ATP8B3: variants seen among roughly 807,000 people sequenced by gnomAD.
ATP8B3 encodes the protein ATPase phospholipid transporting 8B3.
In ATP8B3, 141 loss-of-function variants were observed where a neutral mutation model predicts 140.9. That is an observed-to-expected ratio of 1.00 (90% CI 0.87 to 1.15). The LOEUF is 1.15. ATP8B3 is among the 50% of genes most tolerant of loss of function. The pLI, the probability that ATP8B3 is intolerant of heterozygous loss-of-function variation, is 0.00. For missense variants in ATP8B3, 1,874 were observed against 1,740.6 expected, an observed-to-expected ratio of 1.08 and a Z score of -1.36; for synonymous variants, 765 against 714.6, an observed-to-expected ratio of 1.07 and a Z score of -1.13.
At chr19:1,788,605 G>A (rs1310475819) in intron 24 of ATP8B3, among the ~76,000 whole-genome samples, 8 of 152,138 alleles carry the variant, frequency 5.3e-5, no homozygotes, top group Admixed American at 2.0e-4. Flanking sequence ...AGCCGAGATC[G>A]TGCCATTGCA....
rs1288903559 is a variant in ATP8B3 at position 1,805,238 on chromosome 19, G to T, written c.904+136C>A. ...GATTCTCCTGCCTCAGCCTCCCAAA[G>T]TGCTGGGATTCCAGGTGTGAGCCAC... On this transcript the variant is annotated intron_variant, in intron 10 of 28. Coordinates refer to ENST00000310127, the MANE Select transcript of ATP8B3 (RefSeq NM_138813.4). The surrounding 1 kb of genome is among the most constrained non-coding windows in gnomAD (Gnocchi z 5.2). 10 of 827,048 alleles carry T rather than the reference G, an allele frequency of 1.2e-5. No homozygotes were observed. Among genetic ancestry groups the T allele is most frequent in the Non-Finnish European group, 1.8e-5 (9 of 498,370 alleles). The allele number at this position is 827,048 out of a possible 1,614,324, so 51.2% of individuals were successfully genotyped here.
chr19:1,792,480 T>A (rs547232355), intron 18 of ATP8B3, among the ~76,000 whole-genome samples: 2 of 149,130 alleles, frequency 1.3e-5, no homozygotes, highest in East Asian at 4.0e-4. Flanking sequence ...CTTGAGAGGC[T>A]GAGGCAGGAG....
chr19:1,797,153 A>C, intron 14 of ATP8B3, 148 bp from the exon 15 acceptor site: 1 of 1,268,584 alleles, frequency 7.9e-7, no homozygotes, highest in Admixed American at 2.2e-5. Context: ...CACCCCGAGC[A>C]ATCTTGGGGC....
chr19:1,797,595 G>A (rs1435646811), intron 14 of ATP8B3, among the ~76,000 whole-genome samples: 2 of 151,754 alleles, frequency 1.3e-5, no homozygotes, highest in Non-Finnish European at 2.9e-5. Context: ...AGCCTCCTGG[G>A]TTCAAGTGAC....
In ATP8B3 at chr19:1,800,628, T is replaced by C. The variant is rs1256457611; in HGVS notation, c.1153-179A>G. On this transcript the variant is annotated intron_variant, in intron 12 of 28. Transcript: ENST00000310127. The surrounding 1 kb of genome is among the most constrained non-coding windows in gnomAD (Gnocchi z 4.4). ...TGACGTCAGGAGTTCAAGACCAGCC[T>C]GGGCGACAAAGTGAGACCTCATCTC... Among the ~76,000 whole-genome samples the C allele has an allele frequency of 6.6e-6, 1 of 152,074 alleles. No individual in the cohort carries two copies. The highest frequency in any genetic ancestry group is 1.5e-5 in the Non-Finnish European group (1 of 67,998).
chr19:1,810,557 C>A, intron 3 of ATP8B3, 65 bp downstream of exon 3: 2 of 1,512,576 alleles, frequency 1.3e-6, no homozygotes, highest in Non-Finnish European at 1.8e-6. Flanking sequence ...AGCCACCACG[C>A]CTGGCCAGCC....
chr19:1,783,163 GTGGGAGA>G lies in ATP8B3; in HGVS notation c.3761_3767del (p.Phe1254SerfsTer25). ...TGATGAGGTTTGCATATCCCTCACG[GTGGGAGA>G]AAGCATAGCTGGAACGGCGGGCACG... On this transcript the variant is annotated frameshift_variant, in exon 29 of 29. Coordinates refer to ENST00000310127, the MANE Select transcript of ATP8B3 (RefSeq NM_138813.4). LOFTEE classifies it low-confidence loss of function (END_TRUNC). 1 of 1,613,716 alleles carries G rather than the reference GTGGGAGA, an allele frequency of 6.2e-7. No individual in the cohort carries two copies. The highest frequency in any genetic ancestry group is 1.3e-5 in the African/African-American group (1 of 75,000).
intron 2 of ATP8B3, among the ~76,000 whole-genome samples, chr19:1,811,056 A>C (rs967776400): frequency 3.3e-5 from 5 of 151,356 alleles, no homozygotes; most frequent in Non-Finnish European, 7.4e-5. Context: ...TGAAAGGACC[A>C]CTCTCACCTC....
chr19:1,799,982 G>C lies in ATP8B3; in HGVS notation c.1517C>G (p.Thr506Ser), dbSNP rs755878827. 1 of 1,605,944 alleles carries C rather than the reference G, an allele frequency of 6.2e-7. No homozygotes were observed. The highest frequency in any genetic ancestry group is 2.2e-5 in the East Asian group (1 of 44,708). Residue 506 changes from threonine to serine, a missense_variant, in exon 14 of 29, where the codon ACC (threonine) becomes AGC (serine). Thr to Ser is a moderately conservative substitution (Grantham distance 58, BLOSUM62 1). Around this residue, in one of 3 missense-constraint regions of ATP8B3, gnomAD observed 1,032 missense variants for 963.6 expected, o/e 1.07. Transcript: ENST00000310127. Reference protein sequence around the residue: ...KTGTLTQNILTFNKCCISGRV... With the variant: ...KTGTLTQNILSFNKCCISGRV... ...GCCGCTGATGCAGCACTTGTTGAAG[G>C]TCAAGATGTTCTGCGTGAGCGTGCC...
At chr19:1,811,226 C>A (rs979171900) in intron 2 of ATP8B3, among the ~76,000 whole-genome samples, 3 of 152,238 alleles carry the variant, frequency 2.0e-5, no homozygotes, top group African/African-American at 7.2e-5. Context: ...CTCACCCCCC[C>A]AGGCTGGGCA....
At chr19:1,786,476 G>A (rs1163714985) in intron 25 of ATP8B3, among the ~76,000 whole-genome samples, 1 of 151,104 alleles carries the variant, frequency 6.6e-6, no homozygotes, top group Non-Finnish European at 1.5e-5. Flanking sequence ...TGAGGCAGGA[G>A]AATCGCTTGA....
intron 23 of ATP8B3, 46 bp downstream of exon 23, chr19:1,789,315 C>T (rs368099979): frequency 1.9e-5 from 27 of 1,448,958 alleles, no homozygotes; most frequent in Admixed American, 4.6e-5. Flanking sequence ...CCGTCAGCCG[C>T]CCCCCACTCG....
At chr19:1,784,391 C>T (rs758548350) in intron 28 of ATP8B3, among the ~76,000 whole-genome samples, 4 of 152,022 alleles carry the variant, frequency 2.6e-5, no homozygotes, top group African/African-American at 4.8e-5. Context: ...GGTACATGCC[C>T]GTGGTCTCAG....
chr19:1,791,906 T>G (rs752274238), intron 19 of ATP8B3, 45 bp from the exon 20 acceptor site: 4 of 1,606,102 alleles, frequency 2.5e-6, no homozygotes, highest in East Asian at 2.2e-5. Context: ...TGAGCAGCCG[T>G]CCAGCTCCCT....
Position 1,806,441 on chromosome 19 carries a change from T to C in ATP8B3, c.677+187A>G. Reference sequence around the variant, plus strand: ...CCCTAAGCTCTGCAAGGGTTCGCCATCAGGGCCTCGGCCTCTGTCCTCGTC... The same window carrying C: ...CCCTAAGCTCTGCAAGGGTTCGCCACCAGGGCCTCGGCCTCTGTCCTCGTC... On this transcript the variant is annotated intron_variant, in intron 7 of 28. Transcript: ENST00000310127. This position sits in a 1 kb window ranked among gnomAD's most constrained non-coding sequence, Gnocchi z 5.6. 1 of 1,449,412 alleles carries C rather than the reference T, an allele frequency of 6.9e-7. No individual in the cohort carries two copies. The allele number at this position is 1,449,412 out of a possible 1,614,324, so 89.8% of individuals were successfully genotyped here.
rs2145206683 is a variant in ATP8B3, at chr19:1,806,736, C to T, written c.616-47G>A. 6.5e-7 allele frequency: 1 copy of T among 1,541,900 alleles called. No individual in the cohort carries two copies. On this transcript the variant is annotated intron_variant, in intron 6 of 28. Transcript: ENST00000310127. This position sits in a 1 kb window ranked among gnomAD's most constrained non-coding sequence, Gnocchi z 5.6. Reference sequence around the variant, plus strand: ...CAGAGAGACCGTCCAGCCTCTCCTGCCCCCGCCCAGGCCGCTGCCGCACTG... The same window carrying T: ...CAGAGAGACCGTCCAGCCTCTCCTGTCCCCGCCCAGGCCGCTGCCGCACTG...
chr19:1,808,471 C>CCAGCAGTT, intron 4 of ATP8B3, 136 bp from the exon 5 acceptor site: 9 of 630,934 alleles, frequency 1.4e-5, no homozygotes, highest in Non-Finnish European at 8.8e-6. Flanking sequence ...ATTCATTAAG[C>CCAGCAGTT]ATCTACTGAG....
At chr19:1,796,302 G>A in intron 16 of ATP8B3, 37 bp from the exon 17 acceptor site, 1 of 1,539,336 alleles carries the variant, frequency 6.5e-7, no homozygotes, top group Non-Finnish European at 8.8e-7. Context: ...GTCACGTGGT[G>A]GAGCCCGTCT....
intron 10 of ATP8B3, among the ~76,000 whole-genome samples, chr19:1,804,441 C>T (rs2068947938): frequency 6.6e-6 from 1 of 152,192 alleles, no homozygotes; most frequent in African/African-American, 2.4e-5. Flanking sequence ...AACCCTGTAT[C>T]TACTAAAAAT....
Sources: allele counts gnomAD v4.1 joint callset (sites outside exome capture counted in the v4.1 genomes callset), GRCh38; gene constraint gnomAD v4.1.1; regional missense constraint gnomAD v4.1.1; non-coding constraint Gnocchi (gnomAD v3.1); transcripts MANE v1.5; gene names NCBI Gene and HGNC (gene_info 2026-07-23, HGNC 2026-07-21).